The following CREB1 variants were observed in gnomAD, a reference collection of about 807,000 sequenced individuals.
CREB1 encodes the protein cAMP responsive element binding protein 1.
CREB1 carries 2 observed loss-of-function variants against 42.0 expected under a neutral mutation model. That is an observed-to-expected ratio of 0.05 (90% confidence interval 0.02 to 0.15). The LOEUF is 0.15. Among genes scored for constraint, CREB1 ranks in the 10% least tolerant of loss-of-function variants. The pLI, the probability that CREB1 is intolerant of heterozygous loss-of-function variation, is 1.00. For missense variants in CREB1, 199 were observed against 388.9 expected, an observed-to-expected ratio of 0.51 and a Z score of 4.11; for synonymous variants, 123 against 139.9, an observed-to-expected ratio of 0.88 and a Z score of 0.85.
Position 207,603,473 on chromosome 2 carries a change from G to A in CREB1, c.*6415G>A. The A allele has an allele frequency of 4.4e-6, 1 of 225,226 alleles. No homozygotes were observed. The highest frequency in any genetic ancestry group is 2.2e-5 in the African/African-American group (1 of 44,974). 14.0% of individuals were successfully genotyped at this position (225,226 alleles called of 1,614,324 possible). A position where few individuals can be genotyped will look rare whatever the true frequency, so the allele number is the denominator to read the frequency against. ...GGGGATGGGATCTCTATATTTTGTT[G>A]GGTTTTTTTTGCTAGTAGTGTGAAG... On this transcript the variant is annotated 3_prime_UTR_variant, in exon 8 of 8. Coordinates refer to ENST00000353267, the MANE Select transcript of CREB1 (RefSeq NM_004379.5).
At chr2:207,530,387 G>T (rs923858202) in intron 1 of CREB1, among the ~76,000 whole-genome samples, 2 of 147,966 alleles carry the variant, frequency 1.4e-5, no homozygotes, top group Non-Finnish European at 1.5e-5. Context: ...GCTCATGGCG[G>T]GGGGCGGCGG....
chr2:207,559,145 AT>A (rs1214882355), intron 2 of CREB1: 1 of 163,912 alleles, frequency 6.1e-6, no homozygotes, highest in Non-Finnish European at 1.3e-5. Flanking sequence ...TAACACACTT[AT>A]GTGCACCATT....
intron 1 of CREB1, among the ~76,000 whole-genome samples, chr2:207,537,409 G>GT (rs145490728): frequency 6.6e-6 from 1 of 152,146 alleles, no homozygotes; most frequent in African/African-American, 2.4e-5. Context: ...AAGGCAGAAC[G>GT]TTTTTTATCT....
In CREB1 at chr2:207,603,191, T is replaced by A. The variant is rs1478654408; in HGVS notation, c.*6133T>A. ...TTTTTTATCTAAATCTTTTTGTGCT[T>A]TATGTGTAAAGAAAAAAATGTACTG... On this transcript the variant is annotated 3_prime_UTR_variant, in exon 8 of 8. Transcript: ENST00000353267. 1 of 214,596 alleles carries A rather than the reference T, an allele frequency of 4.7e-6. No homozygotes were observed. Among genetic ancestry groups the A allele is most frequent in the Admixed American group, 5.8e-5 (1 of 17,150 alleles). The allele number at this position is 214,596 out of a possible 1,614,324, so 13.3% of individuals were successfully genotyped here.
chr2:207,591,251 T>G (rs750522732), intron 7 of CREB1, among the ~76,000 whole-genome samples: 5 of 152,226 alleles, frequency 3.3e-5, no homozygotes, highest in African/African-American at 9.6e-5. Context: ...TCATTTCTCC[T>G]TTCAGTTCTA....
rs1275907801 is a variant in CREB1, at chr2:207,605,914, GTTGA to G, written c.*8859_*8862del. On this transcript the variant is annotated 3_prime_UTR_variant, in exon 8 of 8. Coordinates refer to ENST00000353267, the MANE Select transcript of CREB1 (RefSeq NM_004379.5). The stretch of plus-strand genomic sequence containing the variant: ...TGCTAAGCAATTTTTATTAACTTAT[GTTGA>G]TTACTATTTTTATGTCAAACTTTAC... Among the ~76,000 whole-genome samples the G allele has an allele frequency of 1.3e-5, 2 of 152,132 alleles. No individual in the cohort carries two copies. The highest frequency in any genetic ancestry group is 2.4e-5 in the African/African-American group (1 of 41,422).
intron 7 of CREB1, among the ~76,000 whole-genome samples, chr2:207,595,915 C>A (rs986060337): frequency 6.6e-6 from 1 of 152,158 alleles, no homozygotes; most frequent in Admixed American, 6.5e-5. Flanking sequence ...GCAGATATTT[C>A]TTCTCATTCT....
intron 1 of CREB1, among the ~76,000 whole-genome samples, chr2:207,541,993 A>T (rs1309965174): frequency 6.6e-6 from 1 of 152,318 alleles, no homozygotes; most frequent in African/African-American, 2.4e-5. Flanking sequence ...TAATGTTTTC[A>T]AGGTTTATTC....
chr2:207,566,689 CT>C (rs1274733180), intron 3 of CREB1, among the ~76,000 whole-genome samples: 1 of 152,134 alleles, frequency 6.6e-6, no homozygotes, highest in Admixed American at 6.5e-5. Context: ...TGCCTTAGTT[CT>C]TCCATCTATG....
Position 207,603,759 on chromosome 2 carries a change from C to T in CREB1, c.*6701C>T, listed in dbSNP as rs1336755074. 6.6e-6 allele frequency among the ~76,000 whole-genome samples: 1 copy of T among 152,134 alleles called. No homozygotes were observed. Among genetic ancestry groups the T allele is most frequent in the Non-Finnish European group, 1.5e-5 (1 of 68,026 alleles). On this transcript the variant is annotated 3_prime_UTR_variant, in exon 8 of 8. Transcript: ENST00000353267. ...AAAGGACAATAAGACTATATACCTT[C>T]TCAGGTCCCCTTGCAATTCTAAAAC... is the stretch of plus-strand genomic sequence containing the variant.
chr2:207,544,314 T>C (rs1216674542), intron 1 of CREB1, among the ~76,000 whole-genome samples: 3 of 152,222 alleles, frequency 2.0e-5, no homozygotes, highest in Non-Finnish European at 4.4e-5. Context: ...ATGTTCTTAA[T>C]CAGATCTGCA....
At chr2:207,545,482 C>T (rs1039044677) in intron 1 of CREB1, among the ~76,000 whole-genome samples, 1 of 152,144 alleles carries the variant, frequency 6.6e-6, no homozygotes, top group Non-Finnish European at 1.5e-5. Flanking sequence ...GCTGGGATTA[C>T]AGACGTGAGC....
At chr2:207,547,277 G>A (rs926719533) in intron 1 of CREB1, among the ~76,000 whole-genome samples, 1 of 152,198 alleles carries the variant, frequency 6.6e-6, no homozygotes, top group Non-Finnish European at 1.5e-5. Context: ...CCATTTGGAT[G>A]TAGTGATTTT....
In CREB1 at chr2:207,590,946, T is replaced by A. The variant is rs546394266; in HGVS notation, c.840-5968T>A. Among the ~76,000 whole-genome samples, 20 of 152,338 alleles carry A rather than the reference T, an allele frequency of 1.3e-4. No homozygotes were observed. In the East Asian group the frequency reaches 2.5e-3, roughly 19 times the overall value. On this transcript the variant is annotated intron_variant, in intron 7 of 7. Transcript: ENST00000353267. ...TTTTTATTTGCATTCAGTTTAAAAA[T>A]TTTTTTATTTCCTTTGAGACTTCTT...
At chr2:207,594,799 A>G (rs3951781) in intron 7 of CREB1, among the ~76,000 whole-genome samples, 2 of 152,030 alleles carry the variant, frequency 1.3e-5, no homozygotes, top group African/African-American at 4.8e-5. Context: ...CCTCCATTCC[A>G]TTTTCCATAG....
chr2:207,573,769 T>C (rs1361833519), intron 5 of CREB1, among the ~76,000 whole-genome samples: 1 of 152,202 alleles, frequency 6.6e-6, no homozygotes, highest in Non-Finnish European at 1.5e-5. Flanking sequence ...TGTTCAGTGA[T>C]GGAACTCAAA....
At chr2:207,563,805 G>A (rs575896146) in intron 3 of CREB1, among the ~76,000 whole-genome samples, 147 of 152,220 alleles carry the variant, frequency 9.7e-4, no homozygotes, top group African/African-American at 3.5e-3. Flanking sequence ...TTAGCCAGGC[G>A]TGGTGGTAGG....
chr2:207,570,474 A>G (rs1310468300), intron 5 of CREB1, among the ~76,000 whole-genome samples, 153 bp downstream of exon 5: 1 of 152,232 alleles, frequency 6.6e-6, no homozygotes, highest in Non-Finnish European at 1.5e-5. Flanking sequence ...TCACTATGCA[A>G]AGGTCTGTAA....
At chr2:207,538,594 T>G (rs1292637884) in intron 1 of CREB1, among the ~76,000 whole-genome samples, 1 of 152,186 alleles carries the variant, frequency 6.6e-6, no homozygotes, top group Non-Finnish European at 1.5e-5. Flanking sequence ...GGCGAGGTTT[T>G]GAGAGGATGA....
Sources: allele counts gnomAD v4.1 joint callset (sites outside exome capture counted in the v4.1 genomes callset), GRCh38; gene constraint gnomAD v4.1.1; transcripts MANE v1.5; gene names NCBI Gene and HGNC (gene_info 2026-07-23, HGNC 2026-07-21).